JAG1: variants seen among roughly 807,000 people sequenced by gnomAD.
The protein encoded by JAG1 is protein jagged-1.
Under a neutral mutation model 148.7 loss-of-function variants are expected in JAG1, and 23 were observed. The observed-to-expected ratio is 0.15, with a 90% confidence interval of 0.11 to 0.22. The LOEUF is 0.22. JAG1 is among the 10% of genes least tolerant of loss of function. The pLI, the probability that JAG1 is intolerant of heterozygous loss-of-function variation, is 1.00. For missense variants in JAG1, 1,054 were observed against 1,611.2 expected (o/e 0.65, Z 5.92); for synonymous variants, 572 against 598.3 (o/e 0.96, Z 0.64).
chr20:10,673,640 T>A lies in JAG1; in HGVS notation c.-110A>T. The A allele has an allele frequency of 2.5e-6, 1 of 406,102 alleles. No individual in the cohort carries two copies. The highest frequency in any genetic ancestry group is 3.9e-6 in the Non-Finnish European group (1 of 257,654). 25.2% of individuals were successfully genotyped at this position (406,102 alleles called of 1,614,324 possible). On this transcript the variant is annotated 5_prime_UTR_variant, in exon 1 of 26. The change creates a premature stop within an existing upstream ORF in the 5' untranslated region. Transcript: ENST00000254958. This position sits in a 1 kb window ranked among gnomAD's most constrained non-coding sequence, Gnocchi z 4.7. ...CCCTGCGGCCGCCGCGTCCCGGCTCTAATATACTCCGCCGATTGGAGCATG... is the reference window on the plus strand; with the variant it reads ...CCCTGCGGCCGCCGCGTCCCGGCTCAAATATACTCCGCCGATTGGAGCATG...
At chr20:10,658,062 G>A (rs1372466654) in intron 4 of JAG1, among the ~76,000 whole-genome samples, 1 of 152,196 alleles carries the variant, frequency 6.6e-6, no homozygotes, top group Non-Finnish European at 1.5e-5. Flanking sequence ...CTCAACTGGA[G>A]TCTGATTTCA....
rs1362570122 is a variant in JAG1 at position 10,658,596 on chromosome 20, T to C, written c.566A>G (p.Asp189Gly). 10 of 1,614,194 alleles carry C rather than the reference T, an allele frequency of 6.2e-6. No individual in the cohort carries two copies. The highest frequency in any genetic ancestry group is 7.6e-6 in the Non-Finnish European group (9 of 1,180,028). ...FEYQIRVTCD[D>G]YYYGFGCNKF... is the part of the protein sequence containing the mutation. ...ATTGCAGCCAAAGCCATAGTAGTAGTCATCACAGGTCACGCGGATCTGATA... is the reference window on the plus strand; with the variant it reads ...ATTGCAGCCAAAGCCATAGTAGTAGCCATCACAGGTCACGCGGATCTGATA... Residue 189 changes from aspartate to glycine, a missense_variant, in exon 4 of 26, where the codon GAC (aspartate) becomes GGC (glycine). Transcript: ENST00000254958.
chr20:10,643,717 G>T, intron 20 of JAG1, 61 bp downstream of exon 20: 1 of 1,280,032 alleles, frequency 7.8e-7, no homozygotes, highest in Non-Finnish European at 1.1e-6. Flanking sequence ...GAAAGTCTTG[G>T]GGTGAGGCAT....
At position 10,648,064 on chromosome 20, in the gene JAG1, T is replaced by C. The variant is rs2067321448; in HGVS notation, c.1616A>G (p.Gln539Arg). The C allele has an allele frequency of 1.2e-6, 2 of 1,614,018 alleles. No individual in the cohort carries two copies. Among genetic ancestry groups the C allele is most frequent in the African/African-American group, 2.7e-5 (2 of 74,888 alleles). ...ATAGTCACTGGCACGGTTGTAGCAC[T>C]GGGCACCGTTCTGGCAGGGATTAGG... ...CEPNPCQNGAQCYNRASDYFC... is the reference protein window; with the variant it reads ...CEPNPCQNGARCYNRASDYFC... The change falls in exon 13 of 26, where the codon CAG becomes CGG. Residue 539 changes from glutamine (Q) to arginine (R), a missense_variant. Transcript: ENST00000254958.
chr20:10,668,849 C>T (rs1334062254), intron 2 of JAG1, among the ~76,000 whole-genome samples: 3 of 152,146 alleles, frequency 2.0e-5, no homozygotes, highest in African/African-American at 7.2e-5. Context: ...ACCCACTGAA[C>T]TCCCCCAAGA....
intron 21 of JAG1, 46 bp downstream of exon 21, chr20:10,642,442 G>A (rs947418622): frequency 2.0e-5 from 22 of 1,127,098 alleles, no homozygotes; most frequent in Admixed American, 1.7e-4. Context: ...TGCAAAGCTC[G>A]CTCACCCCAG....
chr20:10,652,357 C>T, intron 6 of JAG1, 107 bp from the exon 7 acceptor site: 2 of 1,596,436 alleles, frequency 1.3e-6, no homozygotes, highest in Middle Eastern at 1.8e-4. Context: ...AAAACCCACA[C>T]AGCATTCAAG....
intron 2 of JAG1, among the ~76,000 whole-genome samples, chr20:10,669,224 A>C (rs915137230): frequency 6.6e-6 from 1 of 152,210 alleles, no homozygotes; most frequent in East Asian, 1.9e-4. Flanking sequence ...TTTTCTCCAC[A>C]TGCAGAAAGT....
intron 3 of JAG1, among the ~76,000 whole-genome samples, chr20:10,663,474 GA>G (rs2067431070): frequency 2.0e-5 from 3 of 152,338 alleles, no homozygotes; most frequent in Non-Finnish European, 4.4e-5. Context: ...GCGCTTCAAT[GA>G]AAGGTTTGTG....
Position 10,644,960 on chromosome 20 carries a change from C to A in JAG1, c.2247G>T (p.Leu749=), listed in dbSNP as rs982976067. 1.9e-6 allele frequency: 3 copies of A among 1,613,154 alleles called. No individual in the cohort carries two copies. Among genetic ancestry groups the A allele is most frequent in the Admixed American group, 1.7e-5 (1 of 59,974 alleles). Residue 749 remains leucine (L), a synonymous_variant, in exon 18 of 26, where the codon CTG becomes CTT. Transcript: ENST00000254958. ...TCNIARNSSC[L]PNPCHNGGTC... ...TGCCCCCATTATGGCAGGGGTTGGG[C>A]AGGCAGCTACTGTTTCGGGCTATAA...
chr20:10,670,916 G>C (rs532123301), intron 2 of JAG1, among the ~76,000 whole-genome samples: 259 of 152,228 alleles, frequency 1.7e-3, no homozygotes, highest in Non-Finnish European at 1.9e-3. Flanking sequence ...CTCTGACCAA[G>C]TGTCAAAAGC....
intron 5 of JAG1, among the ~76,000 whole-genome samples, chr20:10,654,952 T>C (rs1019171071): frequency 7.9e-5 from 12 of 152,222 alleles, no homozygotes; most frequent in African/African-American, 1.9e-4. Context: ...AGCACTGCCA[T>C]TGGGACTTTC....
chr20:10,665,109 T>A (rs1228886969), intron 2 of JAG1, among the ~76,000 whole-genome samples: 1 of 152,094 alleles, frequency 6.6e-6, no homozygotes, highest in Non-Finnish European at 1.5e-5. Context: ...GAAGCGTGTA[T>A]AGATTAAATA....
intron 2 of JAG1, 129 bp downstream of exon 2, chr20:10,672,572 T>G: frequency 3.1e-6 from 3 of 955,820 alleles, no homozygotes; most frequent in Non-Finnish European, 4.8e-6. Context: ...CCGCCACCCC[T>G]AGAGATTTCC....
chr20:10,652,513 G>T lies in JAG1; in HGVS notation c.841C>A (p.Gln281Lys). 1.2e-6 allele frequency: 2 copies of T among 1,614,086 alleles called. No individual in the cohort carries two copies. Among genetic ancestry groups the T allele is most frequent in the Non-Finnish European group, 1.7e-6 (2 of 1,179,952 alleles). Residue 281 changes from glutamine (Q) to lysine (K), a missense_variant, in exon 6 of 26, where the codon CAG becomes AAG. By Grantham distance (53) the Gln-to-Lys change is moderately conservative (BLOSUM62 1). Coordinates refer to ENST00000254958, the MANE Select transcript of JAG1 (RefSeq NM_000214.3). The stretch of plus-strand genomic sequence containing the variant: ...CCCCAGTTGGTCTCACAGAGGCACT[G>T]CCAGGGCTCATTACAGATGCCGTGG... ...CVHGICNEPW[Q>K]CLCETNWGGQ...
chr20:10,659,857 T>C (rs1297971973), intron 3 of JAG1, among the ~76,000 whole-genome samples: 1 of 152,118 alleles, frequency 6.6e-6, no homozygotes, highest in East Asian at 1.9e-4. Context: ...TGAGGCCACT[T>C]ATCATCTAGT....
intron 2 of JAG1, among the ~76,000 whole-genome samples, chr20:10,664,373 A>ACACACAC (rs2067437833): frequency 4.1e-5 from 6 of 144,688 alleles, no homozygotes; most frequent in African/African-American, 1.5e-4. Context: ...TGCATGAGGA[A>ACACACAC]ACACACACAC....
intron 3 of JAG1, chr20:10,662,553 C>T (rs8119569): frequency 0.12 from 18,450 of 152,890 alleles, 1,536 homozygotes; most frequent in African/African-American, 0.23. Context: ...CATACTATTA[C>T]AGAAGAGCCT....
At chr20:10,646,737 A>G (rs1417318609) in intron 14 of JAG1, among the ~76,000 whole-genome samples, 1 of 152,044 alleles carries the variant, frequency 6.6e-6, no homozygotes, top group East Asian at 1.9e-4. Context: ...AGGCAGGAGA[A>G]TCGCTTGAAC....
Sources: allele counts gnomAD v4.1 joint callset (sites outside exome capture counted in the v4.1 genomes callset), GRCh38; gene constraint gnomAD v4.1.1; non-coding constraint Gnocchi (gnomAD v3.1); transcripts MANE v1.5; gene names NCBI Gene and HGNC (gene_info 2026-07-23, HGNC 2026-07-21).